Variants in DOCK8 observed in about 807,000 individuals in gnomAD.
DOCK8 encodes dedicator of cytokinesis protein 8.
A neutral mutation model predicts 245.6 loss-of-function variants in DOCK8; 141 were observed. That is an observed-to-expected ratio of 0.57 (90% confidence interval 0.50 to 0.66). The LOEUF is 0.66. Ranked by LOEUF, DOCK8 falls within the 30% of genes least tolerant of loss-of-function variation. DOCK8 has a pLI of 0.00. For missense variants in DOCK8, 2,965 were observed against 2,603.4 expected, an observed-to-expected ratio of 1.14 and a Z score of -3.02; for synonymous variants, 1,168 against 970.2, an observed-to-expected ratio of 1.20 and a Z score of -3.79.
chr9:264,827 T>C (rs1220332687), intron 1 of DOCK8, among the ~76,000 whole-genome samples: 2 of 152,212 alleles, frequency 1.3e-5, no homozygotes, highest in Admixed American at 6.5e-5. Context: ...TAGATGTGTG[T>C]TTTCAGAGCT....
At chr9:240,374 G>A (rs1279633342) in intron 1 of DOCK8, among the ~76,000 whole-genome samples, 1 of 151,148 alleles carries the variant, frequency 6.6e-6, no homozygotes, top group Non-Finnish European at 1.5e-5. Flanking sequence ...GTTCCCTGTG[G>A]CCACAGTTTT....
intron 1 of DOCK8, among the ~76,000 whole-genome samples, chr9:265,027 G>T (rs933187623): frequency 6.6e-6 from 1 of 152,152 alleles, no homozygotes; most frequent in Admixed American, 6.5e-5. Flanking sequence ...CACCTCCCAG[G>T]TTCAAGCGAT....
chr9:221,314 C>T (rs1285491056), intron 1 of DOCK8, among the ~76,000 whole-genome samples: 2 of 152,068 alleles, frequency 1.3e-5, no homozygotes, highest in African/African-American at 2.4e-5. Context: ...AAAGGGCAGC[C>T]GGCCCTCTGC....
Position 380,029 on chromosome 9 carries a change from G to C in DOCK8, c.2605+94G>C. Reference sequence around the variant, plus strand: ...TCCAAAATAAAACATCCTATGCTGGGTGCAGGGGCTCACATCTGCAACCCC... The same window carrying C: ...TCCAAAATAAAACATCCTATGCTGGCTGCAGGGGCTCACATCTGCAACCCC... On this transcript the variant is annotated intron_variant, in intron 21 of 47. Transcript: ENST00000432829. 6 of 1,448,082 alleles carry C rather than the reference G, an allele frequency of 4.1e-6. No homozygotes were observed. The South Asian group carries it at 7.4e-5, about 18-fold the overall frequency. 89.7% of individuals were successfully genotyped at this position (1,448,082 alleles called of 1,614,324 possible). A position where few individuals can be genotyped will look rare whatever the true frequency, so the allele number is the denominator to read the frequency against.
In DOCK8 at chr9:463,613, G is replaced by T; in HGVS notation, c.6165G>T (p.Glu2055Asp). 6.2e-7 allele frequency: 1 copy of T among 1,613,978 alleles called. No homozygotes were observed. The highest frequency in any genetic ancestry group is 8.5e-7 in the Non-Finnish European group (1 of 1,180,028). Residue 2055 changes from glutamate (E) to aspartate (D), a missense_variant, in exon 47 of 48, where the codon GAG (glutamate) becomes GAT (aspartate). Transcript: ENST00000432829. The stretch of plus-strand genomic sequence containing the variant: ...AAAAGAACTATAACAAGCTAAAAGA[G>T]AACCTCAGGCCAATGATCGAGCGGA... ...ELKKNYNKLK[E>D]NLRPMIERKI...
At chr9:265,246 TA>T (rs112769867) in intron 1 of DOCK8, among the ~76,000 whole-genome samples, 80,929 of 152,008 alleles carry the variant, frequency 0.53, 21,872 homozygotes, top group East Asian at 0.79. Flanking sequence ...CCTTGATTTT[TA>T]AAAAAATACT....
At chr9:353,215 A>G (rs924726357) in intron 14 of DOCK8, among the ~76,000 whole-genome samples, 2 of 152,136 alleles carry the variant, frequency 1.3e-5, no homozygotes, top group Admixed American at 6.5e-5. Flanking sequence ...CCTACCTCCA[A>G]AACTCAGACA....
upstream of DOCK8, among the ~76,000 whole-genome samples, chr9:212,379 T>C (rs368419775): frequency 6.6e-6 from 1 of 151,924 alleles, no homozygotes; most frequent in African/African-American, 2.4e-5. Context: ...CAAAATTGAA[T>C]GACACAAAGA....
At chr9:297,179 T>C (rs2049292847) in intron 4 of DOCK8, among the ~76,000 whole-genome samples, 1 of 152,108 alleles carries the variant, frequency 6.6e-6, no homozygotes, top group Non-Finnish European at 1.5e-5. Context: ...GAGGAACACG[T>C]ATTATTTTCT....
At chr9:464,112 T>G (rs779476826) in intron 47 of DOCK8, 47 bp from the exon 48 acceptor site, 1 of 1,510,762 alleles carries the variant, frequency 6.6e-7, no homozygotes, top group South Asian at 1.1e-5. Context: ...TTTTCTTGCT[T>G]CTGTACGCTC....
intron 25 of DOCK8, among the ~76,000 whole-genome samples, chr9:398,157 G>A (rs2054549745): frequency 6.6e-6 from 1 of 152,204 alleles, no homozygotes; most frequent in Non-Finnish European, 1.5e-5. Context: ...AAGGCACAGT[G>A]AGGTTGATAA....
chr9:429,070 C>G (rs1427076282), intron 35 of DOCK8, among the ~76,000 whole-genome samples: 1 of 152,192 alleles, frequency 6.6e-6, no homozygotes, highest in Non-Finnish European at 1.5e-5. Context: ...TGGGCTCAAG[C>G]GATTCTCATG....
chr9:277,245 C>G (rs1782415195), intron 2 of DOCK8, among the ~76,000 whole-genome samples: 1 of 150,512 alleles, frequency 6.6e-6, no homozygotes, highest in South Asian at 2.1e-4. Context: ...ATAGTGAGAA[C>G]TCATCTCTAC....
At chr9:333,847 A>G (rs2051173001) in intron 10 of DOCK8, among the ~76,000 whole-genome samples, 2 of 152,136 alleles carry the variant, frequency 1.3e-5, no homozygotes, top group African/African-American at 4.8e-5. Flanking sequence ...TTCACTTGGG[A>G]GCTTGGTAGA....
At chr9:361,110 TA>T (rs1310827082) in intron 14 of DOCK8, among the ~76,000 whole-genome samples, 1 of 152,044 alleles carries the variant, frequency 6.6e-6, no homozygotes, top group Non-Finnish European at 1.5e-5. Flanking sequence ...GAGGCTGCAG[TA>T]AGCTGTGATC....
At chr9:422,430 A>T (rs1202395118) in intron 33 of DOCK8, among the ~76,000 whole-genome samples, 1 of 152,196 alleles carries the variant, frequency 6.6e-6, no homozygotes, top group African/African-American at 2.4e-5. Flanking sequence ...GTAGCAGGGA[A>T]ATAGAGAAAG....
chr9:214,457 T>C, upstream of DOCK8: 1 of 1,577,990 alleles, frequency 6.3e-7, no homozygotes. Context: ...TTTTGTCTTT[T>C]TTTTTGGCTG....
Position 443,463 on chromosome 9 carries a change from G to A in DOCK8, c.5527G>A (p.Glu1843Lys), listed in dbSNP as rs1410062569. The A allele has an allele frequency of 6.2e-7, 1 of 1,613,938 alleles. No homozygotes were observed. The highest frequency in any genetic ancestry group is 8.5e-7 in the Non-Finnish European group (1 of 1,179,984). The change falls in exon 43 of 48, where the codon GAA becomes AAA. Residue 1843 changes from glutamate (E) to lysine (K), a missense_variant. Transcript: ENST00000432829. ...YGQCFGAEFV[E>K]VIKDSTPVDK... is the part of the protein sequence containing the mutation. The stretch of plus-strand genomic sequence containing the variant: ...TCAATGTTTTGGTGCAGAATTTGTG[G>A]AAGTGATTAAAGACTCCACTCCTGT...
chr9:276,503 T>G (rs2048353003), intron 2 of DOCK8, among the ~76,000 whole-genome samples: 1 of 151,960 alleles, frequency 6.6e-6, no homozygotes, highest in Non-Finnish European at 1.5e-5. Context: ...ATTTTCAAAT[T>G]TTGCATTTTT....
Sources: allele counts gnomAD v4.1 joint callset (sites outside exome capture counted in the v4.1 genomes callset), GRCh38; gene constraint gnomAD v4.1.1; transcripts MANE v1.5; gene names NCBI Gene and HGNC (gene_info 2026-07-23, HGNC 2026-07-21).